The following CNTN5 variants were observed in gnomAD, a reference collection of about 807,000 sequenced individuals.
CNTN5 encodes contactin-5.
Under a neutral mutation model 129.1 loss-of-function variants are expected in CNTN5, and 77 were observed. That is an observed-to-expected ratio of 0.60 (90% CI 0.50 to 0.72). The LOEUF (loss-of-function observed/expected upper bound fraction) is 0.72, where lower values mean the gene tolerates loss of function less well. Among genes scored for constraint, CNTN5 ranks in the 30% least tolerant of loss-of-function variants. The pLI, the probability that CNTN5 is intolerant of heterozygous loss-of-function variation, is 0.00. For synonymous variants in CNTN5, 509 were observed against 465.6 expected (o/e 1.09, Z -1.20); for missense variants, 1,478 against 1,328.8 (o/e 1.11, Z -1.75).
chr11:100,037,320 A>C (rs1274809033), intron 9 of CNTN5, among the ~76,000 whole-genome samples: 1 of 150,504 alleles, frequency 6.6e-6, no homozygotes, highest in East Asian at 2.0e-4. Context: ...GATGAAGCCC[A>C]CTTGATCTTG....
At chr11:100,210,250 A>G (rs942687451) in intron 15 of CNTN5, among the ~76,000 whole-genome samples, 1 of 150,618 alleles carries the variant, frequency 6.6e-6, no homozygotes, top group African/African-American at 2.4e-5. Context: ...TACAAGGGAG[A>G]CAGGTGGGAG....
chr11:99,535,851 C>T (rs1457235335), intron 2 of CNTN5, among the ~76,000 whole-genome samples: 1 of 152,076 alleles, frequency 6.6e-6, no homozygotes, highest in Non-Finnish European at 1.5e-5. Context: ...CACTAAGATG[C>T]ATTTAGAATT....
intron 3 of CNTN5, among the ~76,000 whole-genome samples, chr11:99,697,718 A>G (rs945643482): frequency 6.6e-6 from 1 of 151,766 alleles, no homozygotes; most frequent in Admixed American, 6.6e-5. Flanking sequence ...AAGTTTTACA[A>G]ATATACCTTA....
intron 2 of CNTN5, among the ~76,000 whole-genome samples, chr11:99,357,402 A>G (rs1481745243): frequency 6.6e-6 from 1 of 151,800 alleles, no homozygotes; most frequent in African/African-American, 2.4e-5. Flanking sequence ...ACAATATTAT[A>G]TACTTGAAAT....
At chr11:99,991,407 C>A (rs1296821932) in intron 8 of CNTN5, among the ~76,000 whole-genome samples, 1 of 152,158 alleles carries the variant, frequency 6.6e-6, no homozygotes, top group East Asian at 1.9e-4. Flanking sequence ...GCAGAGCTTG[C>A]AGTGAGCCGA....
At chr11:100,029,832 C>A (rs970219762) in intron 9 of CNTN5, among the ~76,000 whole-genome samples, 1 of 152,018 alleles carries the variant, frequency 6.6e-6, no homozygotes, top group Non-Finnish European at 1.5e-5. Context: ...ATCTTTACAG[C>A]CCTCTCATTC....
At chr11:100,342,612 C>T (rs1479691494) in intron 23 of CNTN5, among the ~76,000 whole-genome samples, 1 of 152,120 alleles carries the variant, frequency 6.6e-6, no homozygotes, top group Admixed American at 6.5e-5. Context: ...CATTTGACAC[C>T]TCTTTCCCAG....
chr11:99,352,407 A>T (rs921913872), intron 2 of CNTN5, among the ~76,000 whole-genome samples: 1 of 152,112 alleles, frequency 6.6e-6, no homozygotes, highest in Non-Finnish European at 1.5e-5. Context: ...TCCCCATCAT[A>T]TATTTATTTT....
intron 2 of CNTN5, among the ~76,000 whole-genome samples, chr11:99,525,645 T>G (rs572422176): frequency 6.6e-5 from 10 of 152,330 alleles, no homozygotes; most frequent in Admixed American, 6.5e-4. Flanking sequence ...TACAAAAGTT[T>G]GAAGAAATGC....
rs1042273059 is a variant in CNTN5, at chr11:99,597,600, C to A, written c.55+41331C>A. Among the ~76,000 whole-genome samples the A allele has an allele frequency of 5.3e-5, 8 of 152,138 alleles. No homozygotes were observed. The South Asian group carries it at 1.7e-3, about 32-fold the overall frequency. On this transcript the variant is annotated intron_variant, in intron 3 of 24. Transcript: ENST00000524871. ...TCAGGGTTTTTACCCAGCCTGTTTT[C>A]CGGTACTGGTTATATCTAGCTGTTT...
intron 2 of CNTN5, among the ~76,000 whole-genome samples, chr11:99,448,730 TTTTTA>T (rs57789569): frequency 0.16 from 19,137 of 123,210 alleles, 1,614 homozygotes; most frequent in Non-Finnish European, 0.17. Flanking sequence ...TGTACAATTG[TTTTTA>T]TTTTATTTTA....
chr11:99,466,238 G>A (rs1944937756), intron 2 of CNTN5, among the ~76,000 whole-genome samples: 1 of 152,062 alleles, frequency 6.6e-6, no homozygotes, highest in South Asian at 2.1e-4. Flanking sequence ...TACGAGAACA[G>A]CAAGGGGGAA....
intron 3 of CNTN5, among the ~76,000 whole-genome samples, chr11:99,733,591 A>G (rs1043428745): frequency 6.6e-5 from 10 of 152,098 alleles, no homozygotes; most frequent in Admixed American, 6.5e-5. Flanking sequence ...TATTATCCCC[A>G]AAATACTTAA....
chr11:99,486,462 C>T (rs1462121590), intron 2 of CNTN5, among the ~76,000 whole-genome samples: 1 of 151,724 alleles, frequency 6.6e-6, no homozygotes, highest in African/African-American at 2.4e-5. Context: ...GTATATTATT[C>T]CATTTTAGAA....
chr11:99,813,411 TAGA>T (rs1486443774), intron 3 of CNTN5, among the ~76,000 whole-genome samples: 1 of 152,178 alleles, frequency 6.6e-6, no homozygotes, highest in Non-Finnish European at 1.5e-5. Flanking sequence ...TGGTCTATCT[TAGA>T]AGACACCTTT....
intron 6 of CNTN5, among the ~76,000 whole-genome samples, chr11:99,866,596 C>A (rs559440203): frequency 1.3e-5 from 2 of 152,226 alleles, no homozygotes; most frequent in South Asian, 4.1e-4. Context: ...AAATATGCAT[C>A]TTGTGACTCC....
chr11:99,362,997 A>G (rs891356107), intron 2 of CNTN5, among the ~76,000 whole-genome samples: 4 of 152,096 alleles, frequency 2.6e-5, no homozygotes, highest in Admixed American at 2.6e-4. Context: ...TTGGCTATTC[A>G]AAGCCGCTTG....
At chr11:99,570,542 A>C (rs1054649092) in intron 3 of CNTN5, among the ~76,000 whole-genome samples, 1 of 152,246 alleles carries the variant, frequency 6.6e-6, no homozygotes, top group African/African-American at 2.4e-5. Context: ...TACCAGTTAC[A>C]TAATAATTTT....
intron 1 of CNTN5, among the ~76,000 whole-genome samples, chr11:99,248,365 C>G (rs1387590553): frequency 6.6e-6 from 1 of 152,074 alleles, no homozygotes; most frequent in Non-Finnish European, 1.5e-5. Flanking sequence ...GATATTAGCC[C>G]TTTGTCAGAT....
Sources: gnomAD v4.1 joint callset for allele counts (sites outside exome capture counted in the v4.1 genomes callset) on GRCh38, gnomAD v4.1.1 for gene constraint, MANE v1.5 for transcripts, NCBI Gene and HGNC (gene_info 2026-07-23, HGNC 2026-07-21) for gene names.